WDR82: variants seen among roughly 807,000 people sequenced by gnomAD.
WDR82 encodes the protein WD repeat-containing protein 82.
WDR82 carries 8 observed loss-of-function variants against 36.1 expected under a neutral mutation model. The ratio of observed to expected loss-of-function variants is 0.22; its 90% CI spans 0.13 to 0.40. The LOEUF is 0.40. Ranked by LOEUF, WDR82 falls within the 10% of genes least tolerant of loss-of-function variation. The probability of loss-of-function intolerance (pLI) is 1.00; values close to 1 mark genes in which losing one functional copy is unlikely to be tolerated. For missense variants in WDR82, 185 were observed against 400.5 expected, an observed-to-expected ratio of 0.46 and a Z score of 4.59; for synonymous variants, 129 against 137.8, an observed-to-expected ratio of 0.94 and a Z score of 0.45.
chr3:52,264,746 G>A (rs980430358), intron 3 of WDR82, among the ~76,000 whole-genome samples: 3 of 152,056 alleles, frequency 2.0e-5, no homozygotes, highest in Non-Finnish European at 2.9e-5. Flanking sequence ...CTCAAGGAAA[G>A]GATTCCAAGG....
intron 2 of WDR82, chr3:52,267,610 G>A (rs1042740287): frequency 4.6e-5 from 7 of 152,472 alleles, no homozygotes; most frequent in African/African-American, 1.7e-4. Context: ...GTCAAGATCT[G>A]GGTTAAAAAG....
At chr3:52,273,151 C>T (rs1462929593) in intron 1 of WDR82, among the ~76,000 whole-genome samples, 3 of 152,182 alleles carry the variant, frequency 2.0e-5, no homozygotes, top group African/African-American at 7.2e-5. Flanking sequence ...CAGAAACTGG[C>T]CGGGCGCAGT....
chr3:52,258,796 A>C, intron 7 of WDR82, 118 bp from the exon 8 acceptor site: 1 of 1,415,248 alleles, frequency 7.1e-7, no homozygotes, highest in Non-Finnish European at 9.6e-7. Context: ...TCCCTCAGGC[A>C]AAATTGAGAG....
Position 52,261,413 on chromosome 3 carries a change from A to G in WDR82, c.393T>C (p.Ile131=), listed in dbSNP as rs775994924. 3.7e-6 allele frequency: 6 copies of G among 1,613,110 alleles called. No individual in the cohort carries two copies. The highest frequency in any genetic ancestry group is 4.2e-6 in the Non-Finnish European group (5 of 1,179,706). The change falls in exon 4 of 9, where the codon ATT becomes ATC. Residue 131 remains isoleucine (I), a synonymous_variant. Transcript: ENST00000296490. ...TFISGSLDKT[I]RLWDLRSPNC... is the part of the protein sequence containing the mutation. ...TAGGAGACCGGAGATCCCAGAGTCG[A>G]ATGGTCTTATCAAGAGACCCAGAAA... is the stretch of plus-strand genomic sequence containing the variant.
chr3:52,271,927 T>G (rs554593243), intron 1 of WDR82, among the ~76,000 whole-genome samples: 2 of 152,044 alleles, frequency 1.3e-5, no homozygotes, highest in East Asian at 3.9e-4. Flanking sequence ...CCGTCTCTAC[T>G]AAAAATACAA....
intron 3 of WDR82, among the ~76,000 whole-genome samples, chr3:52,266,352 A>AT (rs939365850): frequency 4.6e-5 from 7 of 152,040 alleles, no homozygotes; most frequent in Non-Finnish European, 7.4e-5. Flanking sequence ...TTTAATCCAC[A>AT]TTTTTTCTAG....
At chr3:52,272,913 G>A (rs188332042) in intron 1 of WDR82, among the ~76,000 whole-genome samples, 22 of 152,304 alleles carry the variant, frequency 1.4e-4, no homozygotes, top group Admixed American at 1.3e-3. Context: ...CAAATACACT[G>A]GATTTTCCAC....
chr3:52,259,593 T>C, intron 6 of WDR82, 124 bp downstream of exon 6: 1 of 1,214,712 alleles, frequency 8.2e-7, no homozygotes. Flanking sequence ...AGGAAGAAAA[T>C]ACAAGTGCAT....
chr3:52,278,514 T>G lies in WDR82; in HGVS notation c.-153A>C. ...ACAGTTGGGCCGCCTCCTCCTCTTC[T>G]TCCTGCTTGGTCGAGGGTCTTCTGC... On this transcript the variant is annotated 5_prime_UTR_variant, in exon 1 of 9. Transcript: ENST00000296490. 1.7e-6 allele frequency: 1 copy of G among 604,704 alleles called. No individual in the cohort carries two copies. The highest frequency in any genetic ancestry group is 2.4e-6 in the Non-Finnish European group (1 of 416,386). The allele number at this position is 604,704 out of a possible 1,614,324, so 37.5% of individuals were successfully genotyped here.
intron 1 of WDR82, among the ~76,000 whole-genome samples, chr3:52,275,117 A>G (rs1249591471): frequency 3.9e-5 from 6 of 152,042 alleles, no homozygotes; most frequent in African/African-American, 1.4e-4. Flanking sequence ...GCTACTCAGG[A>G]GGCTGAGGCA....
chr3:52,270,879 G>A (rs982927296), intron 1 of WDR82, 70 bp from the exon 2 acceptor site: 3 of 1,196,320 alleles, frequency 2.5e-6, no homozygotes, highest in Non-Finnish European at 2.4e-6. Context: ...TCCACATAAA[G>A]AGAAGCACTT....
intron 1 of WDR82, among the ~76,000 whole-genome samples, chr3:52,277,884 T>C (rs758425631): frequency 3.3e-5 from 5 of 152,178 alleles, no homozygotes; most frequent in African/African-American, 4.8e-5. Context: ...AAACGCTACC[T>C]GGTGGGCCCA....
chr3:52,268,139 T>C, intron 2 of WDR82: 1 of 290,814 alleles, frequency 3.4e-6, no homozygotes, highest in South Asian at 2.9e-5. Context: ...AACTACGAAG[T>C]ATTTCTAGTT....
In WDR82 at chr3:52,278,646, T is replaced by C; in HGVS notation, c.-285A>G. ...CCATTTTGGGGCGACAGGCAGAAGC[T>C]GAGGGCGAGGAGCCTCAGCCGCGGC... On this transcript the variant is annotated 5_prime_UTR_variant, in exon 1 of 9. Coordinates refer to ENST00000296490, the MANE Select transcript of WDR82 (RefSeq NM_025222.4). The C allele has an allele frequency of 2.5e-6, 1 of 395,292 alleles. No individual in the cohort carries two copies. The highest frequency in any genetic ancestry group is 4.4e-5 in the Admixed American group (1 of 22,568). 24.5% of individuals were successfully genotyped at this position (395,292 alleles called of 1,614,324 possible). A position where few individuals can be genotyped will look rare whatever the true frequency, so the allele number is the denominator to read the frequency against.
At chr3:52,259,333 ACT>A in intron 6 of WDR82, 67 bp from the exon 7 acceptor site, 2 of 1,466,156 alleles carry the variant, frequency 1.4e-6, no homozygotes, top group Non-Finnish European at 9.5e-7. Context: ...GCCTACAAAC[ACT>A]GACTCAGCAC....
chr3:52,268,474 C>T (rs941221860), intron 2 of WDR82: 6 of 358,070 alleles, frequency 1.7e-5, no homozygotes, highest in African/African-American at 1.3e-4. Flanking sequence ...AAGTGCCACA[C>T]ATTTGCCTCA....
chr3:52,271,667 T>C (rs995712775), intron 1 of WDR82, among the ~76,000 whole-genome samples: 1 of 152,148 alleles, frequency 6.6e-6, no homozygotes, highest in South Asian at 2.1e-4. Context: ...TAATGTAACC[T>C]GCTCTTGCAG....
At chr3:52,276,909 CTG>C (rs1700207776) in intron 1 of WDR82, among the ~76,000 whole-genome samples, 1 of 150,684 alleles carries the variant, frequency 6.6e-6, no homozygotes. Context: ...GGGAAAAAAA[CTG>C]GGGGGATACC....
At chr3:52,261,672 A>AT (rs1024487208) in intron 3 of WDR82, among the ~76,000 whole-genome samples, 193 bp from the exon 4 acceptor site, 4 of 152,176 alleles carry the variant, frequency 2.6e-5, no homozygotes, top group Non-Finnish European at 4.4e-5. Flanking sequence ...AAAAAAAAAA[A>AT]TTTAAAGCTA....
Sources: allele counts gnomAD v4.1 joint callset (sites outside exome capture counted in the v4.1 genomes callset), GRCh38; gene constraint gnomAD v4.1.1; transcripts MANE v1.5; gene names NCBI Gene and HGNC (gene_info 2026-07-23, HGNC 2026-07-21).